The following NARS2 variants were observed in gnomAD, a reference collection of about 807,000 sequenced individuals.
NARS2 encodes asparaginyl-tRNA synthetase.
Under a neutral mutation model 62.9 loss-of-function variants are expected in NARS2, and 60 were observed. That is an observed-to-expected ratio of 0.95 (90% confidence interval 0.77 to 1.18). The LOEUF (loss-of-function observed/expected upper bound fraction) is 1.18, where lower values mean the gene tolerates loss of function less well. Ranked by LOEUF, NARS2 falls within the 50% of genes most tolerant of loss-of-function variation. The probability of loss-of-function intolerance (pLI) is 0.00; values close to 1 mark genes in which losing one functional copy is unlikely to be tolerated. For missense variants in NARS2, 619 were observed against 576.4 expected (o/e 1.07, Z -0.76); for synonymous variants, 196 against 200.0 (o/e 0.98, Z 0.17).
Position 78,478,585 on chromosome 11 carries a change from C to G in NARS2, c.921G>C (p.Lys307Asn). The change falls in exon 8 of 14, where the codon AAG (lysine) becomes AAC (asparagine). Residue 307 changes from lysine to asparagine, a missense_variant and splice_region_variant. Physicochemically the swap from Lys to Asn is moderately conservative, Grantham distance 94. Transcript: ENST00000281038. ...LCHKFIAPGQKDRLEHMLKNN... is the reference protein window; with the variant it reads ...LCHKFIAPGQNDRLEHMLKNN... ...GGGCTTTATCCATAAAACTAATTACCTTTTGGCCAGGTGCTATGAATTTGT... is the reference window on the plus strand; with the variant it reads ...GGGCTTTATCCATAAAACTAATTACGTTTTGGCCAGGTGCTATGAATTTGT... 6.3e-7 allele frequency: 1 copy of G among 1,597,102 alleles called. No individual in the cohort carries two copies. The highest frequency in any genetic ancestry group is 8.6e-7 in the Non-Finnish European group (1 of 1,166,820).
At position 78,478,570 on chromosome 11, in the gene NARS2, C is replaced by T; in HGVS notation, c.921+15G>A. 3 of 1,544,558 alleles carry T rather than the reference C, an allele frequency of 1.9e-6. No individual in the cohort carries two copies. In the South Asian group the frequency reaches 3.4e-5, roughly 17 times the overall value. On this transcript the variant is annotated intron_variant, in intron 8 of 13. Coordinates refer to ENST00000281038, the MANE Select transcript of NARS2 (RefSeq NM_024678.6). ...AACAGTAGATGTATTGGGCTTTATCCATAAAACTAATTACCTTTTGGCCAG... is the reference window on the plus strand; with the variant it reads ...AACAGTAGATGTATTGGGCTTTATCTATAAAACTAATTACCTTTTGGCCAG...
intron 6 of NARS2, among the ~76,000 whole-genome samples, chr11:78,525,809 G>C (rs1047659878): frequency 6.6e-6 from 1 of 152,018 alleles, no homozygotes; most frequent in Non-Finnish European, 1.5e-5. Flanking sequence ...AGTAATGAAG[G>C]TTAACATCAT....
intron 7 of NARS2, among the ~76,000 whole-genome samples, chr11:78,490,535 G>T (rs1327832185): frequency 6.6e-6 from 1 of 152,142 alleles, no homozygotes; most frequent in Non-Finnish European, 1.5e-5. Flanking sequence ...GAGAAAATGA[G>T]GCTGGGCATG....
intron 11 of NARS2, among the ~76,000 whole-genome samples, chr11:78,465,004 G>A (rs761484156): frequency 5.3e-5 from 8 of 152,258 alleles, no homozygotes; most frequent in Non-Finnish European, 1.2e-4. Context: ...AATGGGACTG[G>A]GCGCCGTGGA....
intron 5 of NARS2, among the ~76,000 whole-genome samples, chr11:78,535,723 C>A (rs1224416108): frequency 1.3e-5 from 2 of 151,922 alleles, no homozygotes; most frequent in African/African-American, 2.4e-5. Context: ...TCTGCCCCGC[C>A]AGGTTCAAGT....
rs563080770 is a variant in NARS2 at position 78,466,054 on chromosome 11, G to A, written c.1027-41C>T. On this transcript the variant is annotated intron_variant, in intron 10 of 13. Coordinates refer to ENST00000281038, the MANE Select transcript of NARS2 (RefSeq NM_024678.6). ...AGAAATGACCAAAAGAGGAGACAGA[G>A]GTGAAATATACAATTAAGCAGCTGA... 2.3e-5 allele frequency: 36 copies of A among 1,544,872 alleles called. No homozygotes were observed. The African/African-American group carries it at 4.4e-4, about 19-fold the overall frequency.
chr11:78,439,705 C>T (rs1347793744), intron 13 of NARS2, among the ~76,000 whole-genome samples: 2 of 152,118 alleles, frequency 1.3e-5, no homozygotes, highest in Non-Finnish European at 2.9e-5. Context: ...TCTCTGAAAC[C>T]TATCTCCTTC....
chr11:78,517,779 C>T (rs1031169064), intron 6 of NARS2, among the ~76,000 whole-genome samples: 1 of 152,196 alleles, frequency 6.6e-6, no homozygotes, highest in Admixed American at 6.5e-5. Context: ...TGCCTTCTGT[C>T]AATACTATAC....
chr11:78,570,947 C>T lies in NARS2; in HGVS notation c.251+388G>A, dbSNP rs530158586. Among the ~76,000 whole-genome samples the T allele has an allele frequency of 3.3e-4, 51 of 152,242 alleles. No individual in the cohort carries two copies. In the South Asian group the frequency reaches 5.4e-3, roughly 16 times the overall value. ...ACAAAAAAGGGGTACCTGACATAAT[C>T]ATGGGATGGGAACATCAGATGATGC... On this transcript the variant is annotated intron_variant, in intron 2 of 13. Transcript: ENST00000281038.
intron 5 of NARS2, among the ~76,000 whole-genome samples, chr11:78,534,751 T>A (rs901956777): frequency 6.6e-6 from 1 of 152,176 alleles, no homozygotes; most frequent in African/African-American, 2.4e-5. Flanking sequence ...TAGCAGTTAC[T>A]CAGTAAATAT....
intron 12 of NARS2, among the ~76,000 whole-genome samples, chr11:78,441,716 A>C (rs1857581880): frequency 6.6e-6 from 1 of 152,040 alleles, no homozygotes; most frequent in Admixed American, 6.6e-5. Context: ...ATCTCAAAAA[A>C]AAAAAAAGAA....
chr11:78,548,785 G>A (rs902067321), intron 5 of NARS2, among the ~76,000 whole-genome samples: 1 of 151,912 alleles, frequency 6.6e-6, no homozygotes, highest in African/African-American at 2.4e-5. Flanking sequence ...ATGCGTAAAT[G>A]TTATTTAAAA....
Position 78,457,660 on chromosome 11 carries a change from G to A in NARS2, c.1164+8216C>T, listed in dbSNP as rs142473578. Among the ~76,000 whole-genome samples the A allele has an allele frequency of 1.7e-4, 26 of 152,212 alleles. No homozygotes were observed. In the East Asian group the frequency reaches 1.7e-3, roughly 10 times the overall value. On this transcript the variant is annotated intron_variant, in intron 11 of 13. Transcript: ENST00000281038. Reference sequence around the variant, plus strand: ...AAGTATGTTAAAGTCCCAGTATAACGCCTTTAGGGTGTGAGACCACATTAC... The same window carrying A: ...AAGTATGTTAAAGTCCCAGTATAACACCTTTAGGGTGTGAGACCACATTAC...
chr11:78,452,118 A>T (rs11237499), intron 11 of NARS2, among the ~76,000 whole-genome samples: 40,319 of 151,226 alleles, frequency 0.27, 5,914 homozygotes, highest in East Asian at 0.42. Context: ...TTTTTTTTTT[A>T]AATTTTTTTG....
rs113585561 is a variant in NARS2 at position 78,519,568 on chromosome 11, C to G, written c.689+9274G>C. Among the ~76,000 whole-genome samples the G allele has an allele frequency of 2.4e-3, 364 of 152,220 alleles. 1 individual carries two copies. Among genetic ancestry groups the G allele is most frequent in the African/African-American group, 8.1e-3 (336 of 41,540 alleles). ...TACTCTACCTGTTTCATAACCACTT[C>G]TTAAAAAACAGCATGATGTAAAGAC... On this transcript the variant is annotated intron_variant, in intron 6 of 13. Coordinates refer to ENST00000281038, the MANE Select transcript of NARS2 (RefSeq NM_024678.6).
chr11:78,554,915 C>T (rs937068030), intron 5 of NARS2, among the ~76,000 whole-genome samples: 1 of 152,092 alleles, frequency 6.6e-6, no homozygotes, highest in African/African-American at 2.4e-5. Context: ...TCATAGATGG[C>T]TCTTATTATT....
At chr11:78,563,849 A>ATATAT (rs1250561530) in intron 4 of NARS2, among the ~76,000 whole-genome samples, 15 of 54,656 alleles carry the variant, frequency 2.7e-4, no homozygotes, top group African/African-American at 1.2e-3. Flanking sequence ...AAAAAAAAAA[A>ATATAT]AAATATATAT....
chr11:78,551,808 G>A lies in NARS2; in HGVS notation c.594+7731C>T, dbSNP rs566593640. 1.7e-3 allele frequency among the ~76,000 whole-genome samples: 251 copies of A among 151,878 alleles called. 2 individuals are homozygous for A. Among genetic ancestry groups the A allele is most frequent in the African/African-American group, 5.8e-3 (241 of 41,400 alleles). ...GGAGGTTGCAGTGAGCCAAGATTGC[G>A]CCATTGTACTCCAGCCTGGGGAACA... On this transcript the variant is annotated intron_variant, in intron 5 of 13. Coordinates refer to ENST00000281038, the MANE Select transcript of NARS2 (RefSeq NM_024678.6).
intron 5 of NARS2, among the ~76,000 whole-genome samples, chr11:78,547,001 G>A (rs1011332057): frequency 9.9e-5 from 15 of 152,162 alleles, no homozygotes; most frequent in South Asian, 8.3e-4. Context: ...ATTCTGCTAC[G>A]ATTTCACGTG....
Sources: gnomAD v4.1 joint callset for allele counts (sites outside exome capture counted in the v4.1 genomes callset) on GRCh38, gnomAD v4.1.1 for gene constraint, MANE v1.5 for transcripts, NCBI Gene and HGNC (gene_info 2026-07-23, HGNC 2026-07-21) for gene names.